The following PRDM16 variants were observed in gnomAD, a reference collection of about 807,000 sequenced individuals.
The protein encoded by PRDM16 is PR/SET domain 16.
A neutral mutation model predicts 110.6 loss-of-function variants in PRDM16; 23 were observed. The ratio of observed to expected loss-of-function variants is 0.21; its 90% CI spans 0.15 to 0.29. The LOEUF is 0.29. Ranked by LOEUF, PRDM16 falls within the 10% of genes least tolerant of loss-of-function variation. The pLI, the probability that PRDM16 is intolerant of heterozygous loss-of-function variation, is 1.00. For synonymous variants in PRDM16, 799 were observed against 781.8 expected (o/e 1.02, Z -0.37); for missense variants, 1,615 against 1,794.3 (o/e 0.90, Z 1.81).
At chr1:3,250,886 A>G (rs1403785651) in intron 3 of PRDM16, among the ~76,000 whole-genome samples, 1 of 152,160 alleles carries the variant, frequency 6.6e-6, no homozygotes, top group Non-Finnish European at 1.5e-5. Flanking sequence ...AAGGCCCTGC[A>G]GAAGTGGGGC....
Position 3,434,623 on chromosome 1 carries a change from T to G in PRDM16, c.*812T>G. On this transcript the variant is annotated 3_prime_UTR_variant, in exon 17 of 17. Coordinates refer to ENST00000270722, the MANE Select transcript of PRDM16 (RefSeq NM_022114.4). ...CTGCCCGAGGCTGGGATGGGAAGTGTGCCTGCCCTCGTGTGACATGGAATT... is the reference window on the plus strand; with the variant it reads ...CTGCCCGAGGCTGGGATGGGAAGTGGGCCTGCCCTCGTGTGACATGGAATT... 2 of 232,392 alleles carry G rather than the reference T, an allele frequency of 8.6e-6. No homozygotes were observed. Among genetic ancestry groups the G allele is most frequent in the Non-Finnish European group, 1.7e-5 (2 of 117,492 alleles). The allele number at this position is 232,392 out of a possible 1,614,324, so 14.4% of individuals were successfully genotyped here. A position where few individuals can be genotyped will look rare whatever the true frequency, so the allele number is the denominator to read the frequency against.
rs1231634219 is a variant in PRDM16, at chr1:3,350,899, C to T, written c.439-34253C>T. Among the ~76,000 whole-genome samples, 2 of 152,342 alleles carry T rather than the reference C, an allele frequency of 1.3e-5. No individual in the cohort carries two copies. Among genetic ancestry groups the T allele is most frequent in the Middle Eastern group, 3.4e-3 (1 of 294 alleles). Reference sequence around the variant, plus strand: ...CACCCCCCAGTCCTTGCAGAGCCCACTCTGAAGGGGACTTGGGGATTCACT... The same window carrying T: ...CACCCCCCAGTCCTTGCAGAGCCCATTCTGAAGGGGACTTGGGGATTCACT... On this transcript the variant is annotated intron_variant, in intron 3 of 16. Coordinates refer to ENST00000270722, the MANE Select transcript of PRDM16 (RefSeq NM_022114.4). This position sits in a 1 kb window ranked among gnomAD's most constrained non-coding sequence, Gnocchi z 7.1.
intron 8 of PRDM16, among the ~76,000 whole-genome samples, chr1:3,409,965 G>T (rs1186095403): frequency 2.6e-5 from 3 of 116,144 alleles, no homozygotes; most frequent in East Asian, 5.5e-4. Flanking sequence ...CGTGTGGGGG[G>T]TGTGGTTGTG....
chr1:3,409,654 GTGTGGTGTGCGTGTC>G (rs1280488183), intron 8 of PRDM16, among the ~76,000 whole-genome samples: 2 of 151,980 alleles, frequency 1.3e-5, no homozygotes, highest in South Asian at 2.1e-4. Context: ...GGATGTGTGT[GTGTGGTGTGCGTGTC>G]TGTGGTGTGT....
At position 3,190,317 on chromosome 1, in the gene PRDM16, C is replaced by T. The variant is rs1471423634; in HGVS notation, c.387+3843C>T. Reference sequence around the variant, plus strand: ...AGCCTTACTTTAAGTGGGAGCTTTCCGTTAGCAACGCAGGAATGAGGCTGG... The same window carrying T: ...AGCCTTACTTTAAGTGGGAGCTTTCTGTTAGCAACGCAGGAATGAGGCTGG... On this transcript the variant is annotated intron_variant, in intron 2 of 16. Transcript: ENST00000270722. This position sits in a 1 kb window ranked among gnomAD's most constrained non-coding sequence, Gnocchi z 5.0. Among the ~76,000 whole-genome samples, 3 of 152,144 alleles carry T rather than the reference C, an allele frequency of 2.0e-5. No individual in the cohort carries two copies. The highest frequency in any genetic ancestry group is 4.8e-5 in the African/African-American group (2 of 41,436).
At chr1:3,187,312 G>A (rs1280420674) in intron 2 of PRDM16, among the ~76,000 whole-genome samples, 4 of 152,220 alleles carry the variant, frequency 2.6e-5, no homozygotes, top group Non-Finnish European at 5.9e-5. Context: ...GCCCCTGCCT[G>A]GGTGGAAAAT....
In PRDM16 at chr1:3,390,980, G is replaced by T. The variant is rs1643291251; in HGVS notation, c.574-5511G>T. Among the ~76,000 whole-genome samples the T allele has an allele frequency of 6.6e-6, 1 of 151,886 alleles. No individual in the cohort carries two copies. The highest frequency in any genetic ancestry group is 6.6e-5 in the Admixed American group (1 of 15,252). On this transcript the variant is annotated intron_variant, in intron 4 of 16. Coordinates refer to ENST00000270722, the MANE Select transcript of PRDM16 (RefSeq NM_022114.4). This position sits in a 1 kb window ranked among gnomAD's most constrained non-coding sequence, Gnocchi z 5.0. Reference sequence around the variant, plus strand: ...CCTCTCAAGTAGCTGGGATTACAGGGGCCTGCCACTATGCCTGGCTTATTT... The same window carrying T: ...CCTCTCAAGTAGCTGGGATTACAGGTGCCTGCCACTATGCCTGGCTTATTT...
chr1:3,199,383 C>T (rs915197189), intron 2 of PRDM16, among the ~76,000 whole-genome samples: 4 of 152,182 alleles, frequency 2.6e-5, no homozygotes, highest in Non-Finnish European at 4.4e-5. Context: ...ATGAAATGGC[C>T]GGGCCTCCGG....
intron 1 of PRDM16, among the ~76,000 whole-genome samples, chr1:3,134,469 C>T (rs1408000624): frequency 6.6e-6 from 1 of 152,256 alleles, no homozygotes; most frequent in Admixed American, 6.5e-5. Flanking sequence ...GCCCATCACC[C>T]CCTCCTGCCC....
Position 3,351,529 on chromosome 1 carries a change from T to TCCCCC in PRDM16, c.439-33623_439-33622insCCCCC. 3.7e-4 allele frequency among the ~76,000 whole-genome samples: 3 copies of TCCCCC among 8,218 alleles called. 1 individual carries two copies. The highest frequency in any genetic ancestry group is 6.3e-4 in the Non-Finnish European group (2 of 3,164). The allele number at this position is 8,218 out of a possible 152,430, so 5.4% of individuals were successfully genotyped here. On this transcript the variant is annotated intron_variant, in intron 3 of 16. Transcript: ENST00000270722. ...ACTGTGTCACATTGGAACCCGTCTC[T>TCCCCC]GTCCCCCTCCCTCTCTGTCCCCCTC...
chr1:3,373,485 C>T (rs986041748), intron 3 of PRDM16, among the ~76,000 whole-genome samples: 3 of 152,196 alleles, frequency 2.0e-5, no homozygotes, highest in Admixed American at 1.3e-4. Flanking sequence ...TCAGGCTCAG[C>T]GCCCCCACAT....
At chr1:3,202,304 C>T (rs1220860266) in intron 2 of PRDM16, among the ~76,000 whole-genome samples, 1 of 151,654 alleles carries the variant, frequency 6.6e-6, no homozygotes, top group Non-Finnish European at 1.5e-5. Flanking sequence ...CTCCTGCTTC[C>T]CCCATCTTCA....
At chr1:3,124,658 G>C (rs1037607329) in intron 1 of PRDM16, among the ~76,000 whole-genome samples, 1 of 152,228 alleles carries the variant, frequency 6.6e-6, no homozygotes. Flanking sequence ...GCCTTGGAGC[G>C]GAAGGAAGAA....
At position 3,359,946 on chromosome 1, in the gene PRDM16, C is replaced by T. The variant is rs1642682716; in HGVS notation, c.439-25206C>T. Among the ~76,000 whole-genome samples the T allele has an allele frequency of 6.6e-6, 1 of 152,234 alleles. No individual in the cohort carries two copies. Among genetic ancestry groups the T allele is most frequent in the African/African-American group, 2.4e-5 (1 of 41,464 alleles). On this transcript the variant is annotated intron_variant, in intron 3 of 16. Transcript: ENST00000270722. This position sits in a 1 kb window ranked among gnomAD's most constrained non-coding sequence, Gnocchi z 4.3. ...CAGCCAGCTCCTCACAGAAGGCCGC[C>T]CGGCTCAGAACAGGTCCCTTCAGCC...
intron 1 of PRDM16, chr1:3,133,690 T>G (rs1643380001): frequency 6.6e-6 from 1 of 152,254 alleles, no homozygotes; most frequent in Non-Finnish European, 1.5e-5. Context: ...CTGAAGTGGT[T>G]CAGCTGGGGC....
chr1:3,131,210 CCT>C (rs945840805), intron 1 of PRDM16, among the ~76,000 whole-genome samples: 3 of 151,660 alleles, frequency 2.0e-5, no homozygotes, highest in Non-Finnish European at 2.9e-5. Context: ...AGCAAGACTC[CCT>C]CTCTCTCTCT....
In PRDM16 at chr1:3,350,878, C is replaced by T. The variant is rs1642467762; in HGVS notation, c.439-34274C>T. Reference sequence around the variant, plus strand: ...CACTTCTGGCTGGGGGATATACACCCCCCAGTCCTTGCAGAGCCCACTCTG... The same window carrying T: ...CACTTCTGGCTGGGGGATATACACCTCCCAGTCCTTGCAGAGCCCACTCTG... On this transcript the variant is annotated intron_variant, in intron 3 of 16. Transcript: ENST00000270722. The surrounding 1 kb of genome is among the most constrained non-coding windows in gnomAD (Gnocchi z 7.1). Among the ~76,000 whole-genome samples, 1 of 152,302 alleles carries T rather than the reference C, an allele frequency of 6.6e-6. No homozygotes were observed. Among genetic ancestry groups the T allele is most frequent in the Non-Finnish European group, 1.5e-5 (1 of 68,018 alleles).
chr1:3,303,431 A>G (rs1252538541), intron 3 of PRDM16, among the ~76,000 whole-genome samples: 3 of 151,966 alleles, frequency 2.0e-5, no homozygotes, highest in African/African-American at 4.8e-5. Flanking sequence ...ATAATATTCC[A>G]TTGCATGAAA....
intron 3 of PRDM16, among the ~76,000 whole-genome samples, chr1:3,369,132 A>G (rs575829283): frequency 6.6e-5 from 10 of 152,230 alleles, no homozygotes; most frequent in Non-Finnish European, 1.0e-4. Flanking sequence ...AATTCCTTTG[A>G]TATATTTTGT....
Sources: gnomAD v4.1 joint callset for allele counts (sites outside exome capture counted in the v4.1 genomes callset) on GRCh38, gnomAD v4.1.1 for gene constraint, Gnocchi (gnomAD v3.1) non-coding constraint, MANE v1.5 for transcripts, NCBI Gene and HGNC (gene_info 2026-07-23, HGNC 2026-07-21) for gene names.